The following TENM2 variants were observed in gnomAD, a reference collection of about 807,000 sequenced individuals.
The protein encoded by TENM2 is teneurin-2.
A neutral mutation model predicts 245.2 loss-of-function variants in TENM2; 52 were observed. The ratio of observed to expected loss-of-function variants is 0.21; its 90% CI spans 0.17 to 0.27. The LOEUF (loss-of-function observed/expected upper bound fraction) is 0.27, where lower values mean the gene tolerates loss of function less well. Ranked by LOEUF, TENM2 falls within the 10% of genes least tolerant of loss-of-function variation. The probability of loss-of-function intolerance (pLI) is 1.00; values close to 1 mark genes in which losing one functional copy is unlikely to be tolerated. For missense variants in TENM2, 3,046 were observed against 3,666.8 expected, an observed-to-expected ratio of 0.83 and a Z score of 4.37; for synonymous variants, 1,363 against 1,438.9, an observed-to-expected ratio of 0.95 and a Z score of 1.19.
upstream of TENM2, among the ~76,000 whole-genome samples, chr5:167,282,508 G>A (rs1424025876): frequency 6.6e-6 from 1 of 152,170 alleles, no homozygotes; most frequent in African/African-American, 2.4e-5. Flanking sequence ...TGATGTGTTA[G>A]ATAGTATATT....
At chr5:167,563,687 A>G (rs1419690001) in intron 2 of TENM2, among the ~76,000 whole-genome samples, 10 of 152,214 alleles carry the variant, frequency 6.6e-5, no homozygotes, top group Admixed American at 6.5e-5. Context: ...ATAAGATTAT[A>G]ATGGAACTGC....
chr5:167,932,545 A>C (rs1160381023), intron 3 of TENM2, among the ~76,000 whole-genome samples: 1 of 152,088 alleles, frequency 6.6e-6, no homozygotes, highest in Non-Finnish European at 1.5e-5. Flanking sequence ...CATTCATTCA[A>C]ACATACATAT....
At chr5:167,526,652 T>G (rs1179351539) in intron 2 of TENM2, among the ~76,000 whole-genome samples, 1 of 152,152 alleles carries the variant, frequency 6.6e-6, no homozygotes, top group Non-Finnish European at 1.5e-5. Flanking sequence ...TGCCAGTATA[T>G]TAATACTTAA....
At chr5:167,321,800 T>TGG (rs1756747775) in intron 1 of TENM2, among the ~76,000 whole-genome samples, 1 of 12,144 alleles carries the variant, frequency 8.2e-5, no homozygotes, top group Non-Finnish European at 1.7e-4. Flanking sequence ...TTTTTTTTTT[T>TGG]TGGGGGGGGG....
the TENM2 span, among the ~76,000 whole-genome samples, chr5:167,140,664 TA>T: frequency 7.2e-4 from 110 of 152,238 alleles, 1 homozygote; most frequent in African/African-American, 2.4e-3. Flanking sequence ...TTAGGTAGGA[TA>T]GGGGTGAGCG....
intron 5 of TENM2, among the ~76,000 whole-genome samples, chr5:167,994,626 A>G (rs1185167219): frequency 2.0e-5 from 3 of 152,208 alleles, no homozygotes; most frequent in African/African-American, 7.2e-5. Context: ...TATATTCCTT[A>G]CCAGTTGCAT....
intron 25 of TENM2, chr5:168,241,102 C>T (rs896013398): frequency 2.6e-5 from 4 of 151,988 alleles, no homozygotes; most frequent in Non-Finnish European, 5.9e-5. Flanking sequence ...AATAAAAAAT[C>T]CTACTACTCA....
At chr5:167,022,242 T>G in the TENM2 span, among the ~76,000 whole-genome samples, 1 of 152,150 alleles carries the variant, frequency 6.6e-6, no homozygotes, top group African/African-American at 2.4e-5. Flanking sequence ...AATATGGTGG[T>G]TCAAATTAAA....
At chr5:167,300,397 G>A (rs113069787) in intron 1 of TENM2, among the ~76,000 whole-genome samples, 5,162 of 152,222 alleles carry the variant, frequency 0.034, 104 homozygotes, top group African/African-American at 0.054. Context: ...AGAATAATGC[G>A]TTGTAGAGGG....
intron 2 of TENM2, among the ~76,000 whole-genome samples, chr5:167,498,999 C>T (rs976931353): frequency 5.3e-5 from 8 of 152,050 alleles, no homozygotes; most frequent in Non-Finnish European, 8.8e-5. Context: ...GTAACATATA[C>T]CAAAATATGC....
chr5:167,027,347 A>G, the TENM2 span, among the ~76,000 whole-genome samples: 4 of 152,222 alleles, frequency 2.6e-5, no homozygotes, highest in African/African-American at 9.6e-5. Context: ...AGGAAGGTTC[A>G]CTGGTTGAGC....
chr5:168,239,605 G>C (rs914652940), intron 25 of TENM2, among the ~76,000 whole-genome samples: 1 of 152,012 alleles, frequency 6.6e-6, no homozygotes, highest in Non-Finnish European at 1.5e-5. Context: ...CACTAACCAG[G>C]CCTGATCCTG....
chr5:168,160,361 A>G (rs1222618882), intron 12 of TENM2, among the ~76,000 whole-genome samples: 1 of 152,236 alleles, frequency 6.6e-6, no homozygotes, highest in African/African-American at 2.4e-5. Context: ...CAGTCAGGAA[A>G]AGCATGGAAA....
At chr5:167,576,578 A>G (rs2127671846) in intron 2 of TENM2, among the ~76,000 whole-genome samples, 1 of 152,302 alleles carries the variant, frequency 6.6e-6, no homozygotes, top group East Asian at 1.9e-4. Context: ...CGTTTTCAAA[A>G]AATCAACTTA....
the TENM2 span, among the ~76,000 whole-genome samples, chr5:167,252,322 A>G: frequency 2.3e-4 from 35 of 152,176 alleles, no homozygotes; most frequent in African/African-American, 7.5e-4. Flanking sequence ...TTCAATAAGT[A>G]TGATGAAATC....
chr5:167,187,434 A>G, the TENM2 span, among the ~76,000 whole-genome samples: 1 of 152,212 alleles, frequency 6.6e-6, no homozygotes, highest in Non-Finnish European at 1.5e-5. Flanking sequence ...GCTTGCAGTT[A>G]TATGAGACAT....
chr5:167,002,766 C>G, the TENM2 span, among the ~76,000 whole-genome samples: 1 of 151,830 alleles, frequency 6.6e-6, no homozygotes, highest in African/African-American at 2.4e-5. Flanking sequence ...AAGTGAGACT[C>G]TGTCTGTAAA....
chr5:167,257,123 A>G, the TENM2 span, among the ~76,000 whole-genome samples: 1 of 152,160 alleles, frequency 6.6e-6, no homozygotes, highest in Non-Finnish European at 1.5e-5. Flanking sequence ...ATAGATCAAG[A>G]TTTTGATGGA....
chr5:167,551,055 C>A (rs1280170375), intron 2 of TENM2, among the ~76,000 whole-genome samples: 1 of 152,026 alleles, frequency 6.6e-6, no homozygotes, highest in Non-Finnish European at 1.5e-5. Context: ...GTGGAGTTGT[C>A]TTATTGATAG....
Sources: gnomAD v4.1 joint callset for allele counts (sites outside exome capture counted in the v4.1 genomes callset) on GRCh38, gnomAD v4.1.1 for gene constraint, MANE v1.5 for transcripts, NCBI Gene and HGNC (gene_info 2026-07-23, HGNC 2026-07-21) for gene names.